The following MED13L variants were observed in gnomAD, a reference collection of about 807,000 sequenced individuals.
MED13L encodes mediator of RNA polymerase II transcription subunit 13-like.
MED13L carries 7 observed loss-of-function variants against 220.9 expected under a neutral mutation model. The observed-to-expected ratio is 0.03, with a 90% CI of 0.02 to 0.06. The LOEUF (loss-of-function observed/expected upper bound fraction) is 0.06. Ranked by LOEUF, MED13L falls within the 10% of genes least tolerant of loss-of-function variation. The probability of loss-of-function intolerance (pLI) is 1.00; values close to 1 mark genes in which losing one functional copy is unlikely to be tolerated. For synonymous variants in MED13L, 1,011 were observed against 1,015.2 expected (o/e 1.00, Z 0.08); for missense variants, 1,965 against 2,760.5 (o/e 0.71, Z 6.46).
At chr12:116,096,882 A>C (rs1257661006) in intron 3 of MED13L, 130 bp from the exon 4 acceptor site, 1 of 715,378 alleles carries the variant, frequency 1.4e-6, no homozygotes, top group Admixed American at 2.3e-5. Flanking sequence ...AAAATGTTTT[A>C]TCACTTAAAA....
intron 2 of MED13L, among the ~76,000 whole-genome samples, chr12:116,200,544 T>C (rs1170568779): frequency 6.6e-6 from 1 of 152,202 alleles, no homozygotes; most frequent in Non-Finnish European, 1.5e-5. Context: ...GTTGAATTAC[T>C]TGACAGGGAC....
chr12:115,989,691 C>T (rs569489427), intron 17 of MED13L, among the ~76,000 whole-genome samples: 5 of 152,156 alleles, frequency 3.3e-5, no homozygotes, highest in Non-Finnish European at 5.9e-5. Context: ...TATCTTTGAA[C>T]ACCACTGACT....
At chr12:116,063,154 T>C (rs1283248311) in intron 4 of MED13L, among the ~76,000 whole-genome samples, 1 of 152,130 alleles carries the variant, frequency 6.6e-6, no homozygotes, top group Non-Finnish European at 1.5e-5. Context: ...CCCAGTCTCA[T>C]CCATAAGAGC....
chr12:115,982,982 C>T (rs1021389793), intron 21 of MED13L, 135 bp downstream of exon 21: 1 of 933,782 alleles, frequency 1.1e-6, no homozygotes, highest in Non-Finnish European at 1.6e-6. Flanking sequence ...GACCATTGCC[C>T]CTTTCTTTTG....
At chr12:116,181,789 G>C (rs1007611429) in intron 2 of MED13L, among the ~76,000 whole-genome samples, 28 of 152,210 alleles carry the variant, frequency 1.8e-4, no homozygotes, top group African/African-American at 6.5e-4. Flanking sequence ...ACAGGCGTGA[G>C]CCACCACGCC....
intron 2 of MED13L, among the ~76,000 whole-genome samples, chr12:116,216,670 C>T (rs368496780): frequency 3.9e-5 from 6 of 152,236 alleles, no homozygotes; most frequent in African/African-American, 1.4e-4. Flanking sequence ...GGTCACTTTA[C>T]TGATCAATGT....
At chr12:116,013,673 C>T (rs1247384304) in intron 8 of MED13L, among the ~76,000 whole-genome samples, 1 of 152,202 alleles carries the variant, frequency 6.6e-6, no homozygotes, top group Admixed American at 6.5e-5. Flanking sequence ...AGAAGTATCG[C>T]CTACATATCA....
intron 2 of MED13L, among the ~76,000 whole-genome samples, chr12:116,117,498 C>T (rs1179314605): frequency 6.6e-6 from 1 of 152,054 alleles, no homozygotes; most frequent in Non-Finnish European, 1.5e-5. Flanking sequence ...TACCATTGGG[C>T]CAAGTTTCTA....
chr12:115,971,102 G>T (rs1243689410), intron 26 of MED13L, among the ~76,000 whole-genome samples: 3 of 152,108 alleles, frequency 2.0e-5, no homozygotes, highest in Non-Finnish European at 2.9e-5. Flanking sequence ...ATAAAGTACT[G>T]TTCTAAACGG....
At chr12:116,257,149 T>A (rs1041845587) in intron 1 of MED13L, among the ~76,000 whole-genome samples, 6 of 152,256 alleles carry the variant, frequency 3.9e-5, no homozygotes, top group Non-Finnish European at 7.3e-5. Flanking sequence ...AGAATTCTTG[T>A]GAAATTTCTG....
At chr12:115,997,303 C>T (rs1489285364) in intron 14 of MED13L, 73 bp from the exon 15 acceptor site, 10 of 1,184,210 alleles carry the variant, frequency 8.4e-6, no homozygotes, top group African/African-American at 3.1e-5. Context: ...TAGCCAGGCG[C>T]ACTCTTTGGC....
intron 4 of MED13L, among the ~76,000 whole-genome samples, chr12:116,065,486 G>A (rs1438603351): frequency 6.6e-6 from 1 of 152,144 alleles, no homozygotes; most frequent in African/African-American, 2.4e-5. Context: ...AAGAAATTAT[G>A]TAAAATATGA....
At chr12:116,242,183 T>A (rs556744192) in intron 1 of MED13L, among the ~76,000 whole-genome samples, 6 of 151,820 alleles carry the variant, frequency 4.0e-5, no homozygotes, top group Non-Finnish European at 8.8e-5. Context: ...TAGGTGGGAT[T>A]ACAGGTGCCC....
rs188168402 is a variant in MED13L at position 116,245,320 on chromosome 12, A to G, written c.73-7615T>C. 2.3e-3 allele frequency among the ~76,000 whole-genome samples: 352 copies of G among 152,320 alleles called. 3 individuals carry two copies. The highest frequency in any genetic ancestry group is 2.1e-3 in the Non-Finnish European group (146 of 68,028). On this transcript the variant is annotated intron_variant, in intron 1 of 30. Transcript: ENST00000281928. ...ACAGAAAAGACCTCAAGATACTGAGATCAGAGAGAGGTTCCCCAACTAAAG... is the reference window on the plus strand; with the variant it reads ...ACAGAAAAGACCTCAAGATACTGAGGTCAGAGAGAGGTTCCCCAACTAAAG...
intron 1 of MED13L, among the ~76,000 whole-genome samples, chr12:116,269,765 T>C (rs1167059194): frequency 6.6e-6 from 1 of 152,140 alleles, no homozygotes; most frequent in Non-Finnish European, 1.5e-5. Context: ...CTGCGCTATT[T>C]CAAAGTAGTA....
At chr12:116,191,921 G>A (rs1881314820) in intron 2 of MED13L, among the ~76,000 whole-genome samples, 1 of 152,056 alleles carries the variant, frequency 6.6e-6, no homozygotes, top group East Asian at 1.9e-4. Context: ...AACTATCAAA[G>A]GGAAGGCAAA....
intron 2 of MED13L, among the ~76,000 whole-genome samples, chr12:116,143,096 A>G (rs1197189097): frequency 6.6e-6 from 1 of 152,214 alleles, no homozygotes; most frequent in Non-Finnish European, 1.5e-5. Flanking sequence ...CTACATCAGT[A>G]GCTAACCACT....
At chr12:116,256,121 A>G (rs1436956394) in intron 1 of MED13L, among the ~76,000 whole-genome samples, 1 of 152,244 alleles carries the variant, frequency 6.6e-6, no homozygotes, top group Non-Finnish European at 1.5e-5. Context: ...CTCATGGGAT[A>G]TTAAATGATA....
At chr12:116,011,668 C>A (rs1879412580) in intron 9 of MED13L, among the ~76,000 whole-genome samples, 1 of 152,210 alleles carries the variant, frequency 6.6e-6, no homozygotes, top group South Asian at 2.1e-4. Context: ...CACCTACTAA[C>A]ACCAGAGAGA....
Sources: allele counts gnomAD v4.1 joint callset (sites outside exome capture counted in the v4.1 genomes callset), GRCh38; gene constraint gnomAD v4.1.1; transcripts MANE v1.5; gene names NCBI Gene and HGNC (gene_info 2026-07-23, HGNC 2026-07-21).